Variants in IQSEC1 observed in about 807,000 individuals in gnomAD.
The protein encoded by IQSEC1 is IQ motif and SEC7 domain-containing protein 1.
In IQSEC1, 31 loss-of-function variants were observed where a neutral mutation model predicts 91.0. The observed-to-expected ratio is 0.34, with a 90% confidence interval of 0.26 to 0.46. IQSEC1 has a LOEUF of 0.46. IQSEC1 is among the 20% of genes least tolerant of loss of function. The probability of loss-of-function intolerance (pLI) is 1.00; values close to 1 mark genes in which losing one functional copy is unlikely to be tolerated. For missense variants in IQSEC1, 1,388 were observed against 1,575.6 expected (o/e 0.88, Z 2.02); for synonymous variants, 699 against 662.6 (o/e 1.05, Z -0.84).
At chr3:13,025,175 C>T (rs1364001883) in intron 1 of IQSEC1, among the ~76,000 whole-genome samples, 2 of 152,234 alleles carry the variant, frequency 1.3e-5, no homozygotes, top group Non-Finnish European at 2.9e-5. Context: ...CAAGGAGCCC[C>T]AGAAAGAGTG....
In IQSEC1 at chr3:13,257,118, C is replaced by T. The variant is rs145842098; in HGVS notation, c.272+25593G>A. Among the ~76,000 whole-genome samples the T allele has an allele frequency of 2.3e-3, 351 of 152,272 alleles. 1 individual carries two copies. The highest frequency in any genetic ancestry group is 7.8e-3 in the African/African-American group (325 of 41,552). ...AAACTGCTCACCACCCTGCCAGGCA[C>T]GCAGTGAGGGTCAGGGAGGGCAGCA... is the stretch of plus-strand genomic sequence containing the variant. On this transcript the variant is annotated intron_variant, in intron 1 of 15. Transcript: ENST00000648114.
In IQSEC1 at chr3:12,979,822, C is replaced by T. The variant is rs80034955; in HGVS notation, c.24-37957G>A. 6.8e-3 allele frequency among the ~76,000 whole-genome samples: 1,037 copies of T among 152,240 alleles called. 16 individuals carry two copies. The highest frequency in any genetic ancestry group is 0.023 in the African/African-American group (974 of 41,526). Reference sequence around the variant, plus strand: ...CCAAGAGCTGAGCCTGTGCCTCACCCGGAATCGTTTCGCGGCCTGGATCTC... The same window carrying T: ...CCAAGAGCTGAGCCTGTGCCTCACCTGGAATCGTTTCGCGGCCTGGATCTC... On this transcript the variant is annotated intron_variant, in intron 1 of 13. Transcript: ENST00000613206. This position sits in a 1 kb window ranked among gnomAD's most constrained non-coding sequence, Gnocchi z 4.3.
intron 3 of IQSEC1, among the ~76,000 whole-genome samples, chr3:12,932,868 C>G (rs1697808248): frequency 6.6e-6 from 1 of 152,226 alleles, no homozygotes; most frequent in Non-Finnish European, 1.5e-5. Context: ...GCGGCAGATG[C>G]CCAGAGGAAC....
chr3:13,219,266 G>C (rs991783758), intron 1 of IQSEC1, among the ~76,000 whole-genome samples: 15 of 152,184 alleles, frequency 9.9e-5, no homozygotes, highest in Admixed American at 6.5e-4. Context: ...CTGCTCCCAA[G>C]TTCACTGGTA....
intron 2 of IQSEC1, among the ~76,000 whole-genome samples, chr3:13,156,617 C>T (rs1707089457): frequency 6.6e-6 from 1 of 152,204 alleles, no homozygotes; most frequent in African/African-American, 2.4e-5. Context: ...GCATGCTGTG[C>T]CAGGGCACAT....
chr3:13,048,654 A>G (rs1169743409), intron 1 of IQSEC1, among the ~76,000 whole-genome samples: 2 of 152,192 alleles, frequency 1.3e-5, no homozygotes, highest in Non-Finnish European at 2.9e-5. Flanking sequence ...CCTGCTGGAC[A>G]CACCCCTGGA....
At chr3:13,224,180 G>A (rs17080939) in intron 1 of IQSEC1, among the ~76,000 whole-genome samples, 31,464 of 151,982 alleles carry the variant, frequency 0.21, 4,759 homozygotes, top group African/African-American at 0.42. Flanking sequence ...CACAGGGGCC[G>A]TTAGAGCCGA....
At chr3:13,180,000 C>A (rs1576284822) in intron 1 of IQSEC1, among the ~76,000 whole-genome samples, 1 of 142,912 alleles carries the variant, frequency 7.0e-6, no homozygotes, top group South Asian at 2.1e-4. Context: ...TCCCCCACCC[C>A]CTCTCCGTGG....
chr3:12,987,063 C>G (rs978457490), intron 1 of IQSEC1: 1 of 404,196 alleles, frequency 2.5e-6, no homozygotes, highest in African/African-American at 2.1e-5. Context: ...CACAGATGAG[C>G]TCCCTCAGCC....
chr3:13,096,551 T>C (rs116221919), intron 2 of IQSEC1, among the ~76,000 whole-genome samples: 3 of 152,270 alleles, frequency 2.0e-5, no homozygotes, highest in Non-Finnish European at 2.9e-5. Flanking sequence ...GGAGGTGCCA[T>C]ATGAGGTGAG....
At chr3:13,137,288 C>T (rs778121216) in intron 2 of IQSEC1, among the ~76,000 whole-genome samples, 4 of 152,204 alleles carry the variant, frequency 2.6e-5, no homozygotes, top group Non-Finnish European at 2.9e-5. Context: ...GACCCAAACA[C>T]GCCCTGACAG....
chr3:12,899,996 T>C lies in IQSEC1; in HGVS notation c.*987A>G, dbSNP rs1271005442. 7.1e-6 allele frequency: 7 copies of C among 985,246 alleles called. No individual in the cohort carries two copies. The highest frequency in any genetic ancestry group is 6.2e-5 in the Admixed American group (1 of 16,258). 61.0% of individuals were successfully genotyped at this position (985,246 alleles called of 1,614,324 possible). A position where few individuals can be genotyped will look rare whatever the true frequency, so the allele number is the denominator to read the frequency against. ...CATGGATCATGGAGAGTCACAGTTATCGCAGCCATTAAAGTGTCTAAGAAT... is the reference window on the plus strand; with the variant it reads ...CATGGATCATGGAGAGTCACAGTTACCGCAGCCATTAAAGTGTCTAAGAAT... On this transcript the variant is annotated 3_prime_UTR_variant, in exon 14 of 14. Coordinates refer to ENST00000613206, the MANE Select transcript of IQSEC1 (RefSeq NM_001134382.3).
intron 12 of IQSEC1, among the ~76,000 whole-genome samples, chr3:12,906,886 G>C (rs915494333): frequency 1.3e-5 from 2 of 152,204 alleles, no homozygotes; most frequent in African/African-American, 4.8e-5. Context: ...CCCACAGCCT[G>C]CAGAGGCCCA....
rs113801638 is a variant in IQSEC1, at chr3:12,928,675, A to G, written c.1569-3933T>C. 8.4e-3 allele frequency among the ~76,000 whole-genome samples: 1,284 copies of G among 152,218 alleles called. 24 individuals carry two copies. Among genetic ancestry groups the G allele is most frequent in the African/African-American group, 0.03 (1,241 of 41,532 alleles). Reference sequence around the variant, plus strand: ...CCTTGGTGGCCCTGCTGGGTGGTGAATTCTCCATCCACCTGTGCCCTGCCT... The same window carrying G: ...CCTTGGTGGCCCTGCTGGGTGGTGAGTTCTCCATCCACCTGTGCCCTGCCT... On this transcript the variant is annotated intron_variant, in intron 3 of 13. Coordinates refer to ENST00000613206, the MANE Select transcript of IQSEC1 (RefSeq NM_001134382.3).
chr3:13,022,144 A>G (rs1703431112), intron 1 of IQSEC1: 11 of 1,231,664 alleles, frequency 8.9e-6, no homozygotes, highest in Non-Finnish European at 1.0e-5. Flanking sequence ...GCCCACCACC[A>G]CTGCCCCACC....
At chr3:13,251,429 G>A (rs370684227) in intron 1 of IQSEC1, among the ~76,000 whole-genome samples, 8 of 152,310 alleles carry the variant, frequency 5.3e-5, no homozygotes, top group Admixed American at 2.6e-4. Context: ...GGCTCATAGA[G>A]TAGAAGCTCA....
chr3:12,998,417 TATG>T (rs779030582), intron 1 of IQSEC1, among the ~76,000 whole-genome samples: 1 of 152,144 alleles, frequency 6.6e-6, no homozygotes, highest in Admixed American at 6.6e-5. Flanking sequence ...CATGGACTGA[TATG>T]ATAAGGAACA....
At chr3:13,153,718 C>T (rs1029577188) in intron 2 of IQSEC1, among the ~76,000 whole-genome samples, 1 of 152,174 alleles carries the variant, frequency 6.6e-6, no homozygotes, top group Admixed American at 6.5e-5. Flanking sequence ...CGTGTCTTTC[C>T]TTTGTAGCTA....
chr3:13,246,165 GACTAT>G (rs1212538186), intron 1 of IQSEC1, among the ~76,000 whole-genome samples: 1 of 152,230 alleles, frequency 6.6e-6, no homozygotes, highest in East Asian at 1.9e-4. Flanking sequence ...CCATGCAAGG[GACTAT>G]TAGCCCTACA....
Sources: gnomAD v4.1 joint callset for allele counts (sites outside exome capture counted in the v4.1 genomes callset) on GRCh38, gnomAD v4.1.1 for gene constraint, Gnocchi (gnomAD v3.1) non-coding constraint, MANE v1.5 for transcripts, NCBI Gene and HGNC (gene_info 2026-07-23, HGNC 2026-07-21) for gene names.